The following RBFOX1 variants were observed in gnomAD, a reference collection of about 807,000 sequenced individuals.
RBFOX1 encodes RNA binding protein fox-1 homolog 1.
A neutral mutation model predicts 57.7 loss-of-function variants in RBFOX1; 8 were observed. The observed-to-expected ratio is 0.14, with a 90% CI of 0.08 to 0.25. The LOEUF (loss-of-function observed/expected upper bound fraction) is 0.25, where lower values mean the gene tolerates loss of function less well. Ranked by LOEUF, RBFOX1 falls within the 10% of genes least tolerant of loss-of-function variation. The pLI is 1.00. For missense variants in RBFOX1, 611 were observed against 548.5 expected (o/e 1.11, Z -1.14); for synonymous variants, 326 against 222.4 (o/e 1.47, Z -4.15).
chr16:6,131,985 T>C (rs1341480884), intron 1 of RBFOX1, among the ~76,000 whole-genome samples: 7 of 152,236 alleles, frequency 4.6e-5, no homozygotes, highest in Admixed American at 4.6e-4. Flanking sequence ...TCGTGATGAT[T>C]TGAGCTTGCT....
rs981766177 is a variant in RBFOX1, at chr16:6,146,661, A to G, written c.-127+126669A>G. On this transcript the variant is annotated intron_variant, in intron 1 of 15. Transcript: ENST00000550418. The stretch of plus-strand genomic sequence containing the variant: ...GATGCTGGGCATGGAATAGGATTCA[A>G]AAGTAAAAGGGCAAACTTTTCACTA... Among the ~76,000 whole-genome samples the G allele has an allele frequency of 3.2e-4, 48 of 152,230 alleles. 1 individual carries two copies. Among genetic ancestry groups the G allele is most frequent in the African/African-American group, 1.1e-3 (46 of 41,454 alleles).
chr16:7,673,959 C>T (rs1357869231), intron 13 of RBFOX1, among the ~76,000 whole-genome samples: 1 of 152,158 alleles, frequency 6.6e-6, no homozygotes, highest in African/African-American at 2.4e-5. Flanking sequence ...CTTTTACAGA[C>T]ATCACTGTGG....
chr16:7,360,154 C>A (rs1331675919), intron 4 of RBFOX1, among the ~76,000 whole-genome samples: 1 of 152,136 alleles, frequency 6.6e-6, no homozygotes. Context: ...CATGTATATA[C>A]TATTTAATAC....
At chr16:7,019,111 C>A (rs1246414613) in intron 3 of RBFOX1, among the ~76,000 whole-genome samples, 1 of 151,850 alleles carries the variant, frequency 6.6e-6, no homozygotes, top group Non-Finnish European at 1.5e-5. Context: ...TGTGTAAAGA[C>A]TGAGAGGTAA....
At chr16:5,967,002 G>GGGT (rs1555458326) in intron 4 of RBFOX1, among the ~76,000 whole-genome samples, 1,052 of 103,826 alleles carry the variant, frequency 0.01, 81 homozygotes, top group South Asian at 0.026. Flanking sequence ...GGGGGGGGGG[G>GGGT]GGTCAATAAA....
intron 2 of RBFOX1, among the ~76,000 whole-genome samples, chr16:6,608,939 C>A (rs1206851642): frequency 6.6e-6 from 1 of 152,108 alleles, no homozygotes; most frequent in East Asian, 1.9e-4. Flanking sequence ...CCACTCTGCT[C>A]CCTTGGGTCA....
At position 6,479,574 on chromosome 16, in the gene RBFOX1, C is replaced by T. The variant is rs111989062; in HGVS notation, c.-64+162517C>T. Among the ~76,000 whole-genome samples the T allele has an allele frequency of 1.0e-3, 159 of 151,858 alleles. 1 individual carries two copies. The highest frequency in any genetic ancestry group is 3.4e-3 in the African/African-American group (142 of 41,382). ...CTGTACTCTACCCTGGGTGATAGAACGAGATGCTGTCTCAAAAAAGAAAAA... is the reference window on the plus strand; with the variant it reads ...CTGTACTCTACCCTGGGTGATAGAATGAGATGCTGTCTCAAAAAAGAAAAA... On this transcript the variant is annotated intron_variant, in intron 2 of 15. Coordinates refer to ENST00000550418, the MANE Select transcript of RBFOX1 (RefSeq NM_018723.4).
intron 2 of RBFOX1, among the ~76,000 whole-genome samples, chr16:5,575,881 A>G (rs2046435624): frequency 6.6e-6 from 1 of 151,754 alleles, no homozygotes; most frequent in Admixed American, 6.6e-5. Flanking sequence ...AGCTGGCATG[A>G]TATGAAGTTT....
At chr16:7,412,204 G>C (rs1392050585) in intron 4 of RBFOX1, among the ~76,000 whole-genome samples, 1 of 151,808 alleles carries the variant, frequency 6.6e-6, no homozygotes, top group African/African-American at 2.4e-5. Context: ...AGGACTACCT[G>C]AGGAGTTCCA....
chr16:5,575,564 A>G (rs985919991), intron 2 of RBFOX1, among the ~76,000 whole-genome samples: 1 of 152,156 alleles, frequency 6.6e-6, no homozygotes, highest in Non-Finnish European at 1.5e-5. Context: ...CTCCTACCTG[A>G]CGGAAGTGAA....
In RBFOX1 at chr16:6,234,014, C is replaced by G. The variant is rs181757519; in HGVS notation, c.-126-82981C>G. On this transcript the variant is annotated intron_variant, in intron 1 of 15. Coordinates refer to ENST00000550418, the MANE Select transcript of RBFOX1 (RefSeq NM_018723.4). ...TTCCATGTCTGGTGAGAGCTGCATC[C>G]TCTGGAGGGGAAGAATGCCGTGTCC... Among the ~76,000 whole-genome samples the G allele has an allele frequency of 2.0e-5, 3 of 152,238 alleles. No individual in the cohort carries two copies. The East Asian group carries it at 5.8e-4, about 30-fold the overall frequency.
chr16:7,273,172 C>CCCTCCCTTACTTCCTCCCTTCCTT (rs2095364726), intron 4 of RBFOX1, among the ~76,000 whole-genome samples: 1 of 95,728 alleles, frequency 1.0e-5, no homozygotes, highest in African/African-American at 4.6e-5. Context: ...TTTCCTCTCT[C>CCCTCCCTTACTTCCTCCCTTCCTT]CCTCCCTTCC....
intron 4 of RBFOX1, among the ~76,000 whole-genome samples, chr16:7,158,191 C>T (rs1238877296): frequency 6.6e-6 from 1 of 151,956 alleles, no homozygotes; most frequent in Non-Finnish European, 1.5e-5. Flanking sequence ...TATAAAAATA[C>T]AAAAATTAGC....
rs146295331 is a variant in RBFOX1 at position 5,591,531 on chromosome 16, G to A, written c.259-7371G>A. Among the ~76,000 whole-genome samples, 9 of 152,254 alleles carry A rather than the reference G, an allele frequency of 5.9e-5. No individual in the cohort carries two copies. The East Asian group carries it at 1.2e-3, about 20-fold the overall frequency. ...CTCCCAAAGTGCTGGGATTACAGGC[G>A]TGAGTCACTGCGCCTGGTCCAAAAT... On this transcript the variant is annotated intron_variant, in intron 2 of 2. Coordinates refer to the RBFOX1 transcript ENST00000585867.
chr16:7,401,166 T>A (rs572975414), intron 4 of RBFOX1, among the ~76,000 whole-genome samples: 6 of 152,184 alleles, frequency 3.9e-5, no homozygotes, highest in South Asian at 2.1e-4. Context: ...AGCTATTTTT[T>A]AAAAAATGTA....
chr16:6,382,876 T>C (rs1431112487), intron 2 of RBFOX1, among the ~76,000 whole-genome samples: 1 of 152,096 alleles, frequency 6.6e-6, no homozygotes, highest in Non-Finnish European at 1.5e-5. Flanking sequence ...GAAAATGCTT[T>C]TACTCTCAAG....
At chr16:7,532,309 G>A (rs970444814) in intron 5 of RBFOX1, among the ~76,000 whole-genome samples, 3 of 152,078 alleles carry the variant, frequency 2.0e-5, no homozygotes, top group Non-Finnish European at 4.4e-5. Flanking sequence ...CTCCACAAAA[G>A]GGGAAGAGAC....
intron 3 of RBFOX1, among the ~76,000 whole-genome samples, chr16:6,940,516 A>G (rs9936119): frequency 0.57 from 86,806 of 152,078 alleles, 26,714 homozygotes; most frequent in African/African-American, 0.81. Flanking sequence ...ATAATTCTCT[A>G]TACTTTGAAT....
chr16:6,531,479 T>A (rs1204159776), intron 2 of RBFOX1, among the ~76,000 whole-genome samples: 2 of 152,236 alleles, frequency 1.3e-5, no homozygotes, highest in African/African-American at 4.8e-5. Flanking sequence ...TTAGGACAGG[T>A]TCTCATGAAC....
Sources: gnomAD v4.1 joint callset for allele counts (sites outside exome capture counted in the v4.1 genomes callset) on GRCh38, gnomAD v4.1.1 for gene constraint, MANE v1.5 for transcripts, NCBI Gene and HGNC (gene_info 2026-07-23, HGNC 2026-07-21) for gene names.